NEK7: variants seen among roughly 807,000 people sequenced by gnomAD.
NEK7 encodes NIMA related kinase 7.
NEK7 carries 18 observed loss-of-function variants against 44.6 expected under a neutral mutation model. The observed-to-expected ratio is 0.40, with a 90% confidence interval of 0.28 to 0.60. The LOEUF is 0.60. Among genes scored for constraint, NEK7 ranks in the 20% least tolerant of loss-of-function variants. The probability of loss-of-function intolerance (pLI) is 0.38; values close to 1 mark genes in which losing one functional copy is unlikely to be tolerated. For synonymous variants in NEK7, 130 were observed against 121.1 expected (o/e 1.07, Z -0.48); for missense variants, 256 against 366.5 (o/e 0.70, Z 2.46).
chr1:198,246,146 C>T (rs1666828918), intron 2 of NEK7, among the ~76,000 whole-genome samples: 2 of 152,314 alleles, frequency 1.3e-5, no homozygotes, highest in South Asian at 4.1e-4. Context: ...ACTATAATCG[C>T]TACCGAAGTA....
chr1:198,172,072 T>C (rs1299451839), intron 1 of NEK7, among the ~76,000 whole-genome samples: 1 of 152,220 alleles, frequency 6.6e-6, no homozygotes, highest in Non-Finnish European at 1.5e-5. Flanking sequence ...CCAGCAGCTC[T>C]GTGGTAGACA....
chr1:198,198,162 G>T, intron 1 of NEK7: 2 of 791,606 alleles, frequency 2.5e-6, no homozygotes, highest in Non-Finnish European at 4.5e-6. Flanking sequence ...TTTGGTCCTG[G>T]CTGGCCGGCA....
rs925251454 is a variant in NEK7, at chr1:198,220,112, C to G, written c.-28-12441C>G. Among the ~76,000 whole-genome samples the G allele has an allele frequency of 1.2e-4, 18 of 152,028 alleles. No homozygotes were observed. The South Asian group carries it at 3.7e-3, about 32-fold the overall frequency. On this transcript the variant is annotated intron_variant, in intron 1 of 9. Coordinates refer to ENST00000367385, the MANE Select transcript of NEK7 (RefSeq NM_133494.3). ...TTGTAAGAAGTAGGTTCCCCCTTTT[C>G]ACTATTTATTAATTTATATTGTTAT...
At chr1:198,198,270 C>A in intron 1 of NEK7, 2 of 502,174 alleles carry the variant, frequency 4.0e-6, no homozygotes, top group South Asian at 4.3e-5. Context: ...GAAGGGAACC[C>A]CCCATGTGAC....
intron 1 of NEK7, among the ~76,000 whole-genome samples, chr1:198,231,404 A>AT (rs1056012422): frequency 4.8e-5 from 7 of 147,282 alleles, no homozygotes; most frequent in South Asian, 4.3e-4. Flanking sequence ...GTAAAGGATA[A>AT]TTTTTTCAAT....
intron 2 of NEK7, among the ~76,000 whole-genome samples, chr1:198,241,287 C>A (rs1398860373): frequency 1.3e-5 from 2 of 151,946 alleles, no homozygotes; most frequent in African/African-American, 4.9e-5. Context: ...ACTAAATATT[C>A]ATAAAACAAA....
chr1:198,211,523 G>A (rs1413402808), intron 1 of NEK7, among the ~76,000 whole-genome samples: 1 of 152,092 alleles, frequency 6.6e-6, no homozygotes, highest in Non-Finnish European at 1.5e-5. Flanking sequence ...ATTTTGAGGT[G>A]TTTTAATATT....
At chr1:198,318,551 A>G (rs975477695) in intron 9 of NEK7, among the ~76,000 whole-genome samples, 4 of 152,168 alleles carry the variant, frequency 2.6e-5, no homozygotes, top group Non-Finnish European at 5.9e-5. Context: ...AAATTCTCAA[A>G]ATGTCTAAAC....
At chr1:198,158,683 G>A (rs1217487722) in intron 1 of NEK7, among the ~76,000 whole-genome samples, 2 of 152,208 alleles carry the variant, frequency 1.3e-5, no homozygotes, top group Non-Finnish European at 2.9e-5. Flanking sequence ...AACTCTTGTT[G>A]AATGGCCGCT....
At chr1:198,204,644 A>G (rs1665536388) in intron 1 of NEK7, among the ~76,000 whole-genome samples, 2 of 145,258 alleles carry the variant, frequency 1.4e-5, no homozygotes, top group Admixed American at 7.2e-5. Flanking sequence ...GCATGAACCC[A>G]GGGGGCGGAG....
At position 198,232,604 on chromosome 1, in the gene NEK7, G is replaced by A. The variant is rs116746425; in HGVS notation, c.24G>A (p.Met8Ile). The A allele has an allele frequency of 2.7e-5, 43 of 1,607,154 alleles. No individual in the cohort carries two copies. The African/African-American group carries it at 4.3e-4, about 16-fold the overall frequency. Reference sequence around the variant, plus strand: ...CAATGGATGAGCAATCACAAGGAATGCAAGGGCCACCTGTTCCTCAGTTCC... The same window carrying A: ...CAATGGATGAGCAATCACAAGGAATACAAGGGCCACCTGTTCCTCAGTTCC... Reference protein sequence around the residue: MDEQSQGMQGPPVPQFQP... With the variant: MDEQSQGIQGPPVPQFQP... Residue 8 changes from methionine to isoleucine, a missense_variant, in exon 2 of 10, where the codon ATG becomes ATA. Met to Ile is a conservative substitution (Grantham distance 10, BLOSUM62 1). Transcript: ENST00000367385.
rs1391801232 is a variant in NEK7 at position 198,322,280 on chromosome 1, A to C, written c.*2758A>C. The C allele has an allele frequency of 6.6e-6, 1 of 152,200 alleles. No homozygotes were observed. Among genetic ancestry groups the C allele is most frequent in the Non-Finnish European group, 1.5e-5 (1 of 68,012 alleles). The allele number at this position is 152,200 out of a possible 1,614,324, so 9.4% of individuals were successfully genotyped here. On this transcript the variant is annotated 3_prime_UTR_variant, in exon 10 of 10. Transcript: ENST00000367385. ...GTGCCTCATATTTCAATAGTACTGT[A>C]ATATGGACATCTTTTGTGAAATACT...
At chr1:198,311,882 TA>T (rs1655196173) in intron 9 of NEK7, among the ~76,000 whole-genome samples, 4 of 152,348 alleles carry the variant, frequency 2.6e-5, no homozygotes, top group Middle Eastern at 6.8e-3. Flanking sequence ...TCATCAAGGA[TA>T]TTGGTCTAAA....
At chr1:198,280,898 A>T (rs886395863) in intron 7 of NEK7, among the ~76,000 whole-genome samples, 1 of 151,528 alleles carries the variant, frequency 6.6e-6, no homozygotes, top group Non-Finnish European at 1.5e-5. Flanking sequence ...TTCTTAACAG[A>T]TGAATCATAG....
intron 8 of NEK7, among the ~76,000 whole-genome samples, chr1:198,293,735 TTGAA>T (rs1167216416): frequency 6.6e-6 from 1 of 151,960 alleles, no homozygotes; most frequent in African/African-American, 2.4e-5. Context: ...GTTTTTTTAA[TTGAA>T]TGATAATTTT....
intron 3 of NEK7, among the ~76,000 whole-genome samples, chr1:198,255,189 G>A (rs1653212660): frequency 6.6e-6 from 1 of 152,134 alleles, no homozygotes; most frequent in South Asian, 2.1e-4. Flanking sequence ...GCCAGACAGA[G>A]GAATTTGAAC....
chr1:198,273,189 A>G lies in NEK7; in HGVS notation c.373-4772A>G, dbSNP rs1351319722. On this transcript the variant is annotated intron_variant, in intron 5 of 9. Coordinates refer to ENST00000367385, the MANE Select transcript of NEK7 (RefSeq NM_133494.3). Reference sequence around the variant, plus strand: ...GAAGATAAAATGAGATGCTAGTGATAAGTATTCTCAGTGATCTCATGACTG... The same window carrying G: ...GAAGATAAAATGAGATGCTAGTGATGAGTATTCTCAGTGATCTCATGACTG... 4.0e-5 allele frequency among the ~76,000 whole-genome samples: 6 copies of G among 151,772 alleles called. No individual in the cohort carries two copies. The East Asian group carries it at 7.7e-4, about 20-fold the overall frequency.
Position 198,248,699 on chromosome 1 carries a change from T to A in NEK7, c.58-4341T>A, listed in dbSNP as rs551459589. Among the ~76,000 whole-genome samples the A allele has an allele frequency of 1.6e-4, 24 of 152,286 alleles. 2 individuals are homozygous for A. The East Asian group carries it at 4.4e-3, about 28-fold the overall frequency. ...AGGTGTTTCATGCATTAGTTGACAGTTTGGACTAAATGATTATGTATTTTT... is the reference window on the plus strand; with the variant it reads ...AGGTGTTTCATGCATTAGTTGACAGATTGGACTAAATGATTATGTATTTTT... On this transcript the variant is annotated intron_variant, in intron 2 of 9. Coordinates refer to ENST00000367385, the MANE Select transcript of NEK7 (RefSeq NM_133494.3).
intron 2 of NEK7, among the ~76,000 whole-genome samples, chr1:198,247,952 T>C (rs1571569306): frequency 2.0e-5 from 3 of 152,316 alleles, no homozygotes; most frequent in East Asian, 3.9e-4. Flanking sequence ...TTAAGCTGAA[T>C]GTAATGTGCT....
Sources: allele counts gnomAD v4.1 joint callset (sites outside exome capture counted in the v4.1 genomes callset), GRCh38; gene constraint gnomAD v4.1.1; transcripts MANE v1.5; gene names NCBI Gene and HGNC (gene_info 2026-07-23, HGNC 2026-07-21).